KCNT1: variants seen among roughly 807,000 people sequenced by gnomAD.
KCNT1 encodes the protein potassium channel subfamily T member 1.
In KCNT1, 78 loss-of-function variants were observed where a neutral mutation model predicts 147.8. That is an observed-to-expected ratio of 0.53 (90% CI 0.44 to 0.64). The LOEUF is 0.64. Ranked by LOEUF, KCNT1 falls within the 30% of genes least tolerant of loss-of-function variation. KCNT1 has a pLI of 0.00. For missense variants in KCNT1, 1,419 were observed against 1,750.3 expected (o/e 0.81, Z 3.38); for synonymous variants, 867 against 748.8 (o/e 1.16, Z -2.58).
At position 135,716,368 on chromosome 9, in the gene KCNT1, C is replaced by T. The variant is rs79806284; in HGVS notation, c.254+1648C>T. Among the ~76,000 whole-genome samples, 712 of 152,222 alleles carry T rather than the reference C, an allele frequency of 4.7e-3. 10 individuals carry two copies. Among genetic ancestry groups the T allele is most frequent in the East Asian group, 0.042 (219 of 5,180 alleles). On this transcript the variant is annotated intron_variant, in intron 2 of 30. Coordinates refer to ENST00000371757, the MANE Select transcript of KCNT1 (RefSeq NM_020822.3). Reference sequence around the variant, plus strand: ...GTGGACAGCAGAGGCTTTTGCTGTCCGCCTAGAGAGAACCATGCCCATCCC... The same window carrying T: ...GTGGACAGCAGAGGCTTTTGCTGTCTGCCTAGAGAGAACCATGCCCATCCC...
intron 6 of KCNT1, among the ~76,000 whole-genome samples, chr9:135,756,278 C>G (rs1487090433): frequency 6.6e-6 from 1 of 152,146 alleles, no homozygotes; most frequent in Non-Finnish European, 1.5e-5. Context: ...GACTTCCTGA[C>G]CCCCTCTGTC....
chr9:135,738,458 A>G (rs752614423), intron 2 of KCNT1, among the ~76,000 whole-genome samples: 5 of 146,020 alleles, frequency 3.4e-5, no homozygotes, highest in Non-Finnish European at 7.6e-5. Context: ...CACGGAAAAC[A>G]CAGGCGAGGC....
chr9:135,737,067 C>T (rs1830373717), intron 2 of KCNT1: 1 of 208,568 alleles, frequency 4.8e-6, no homozygotes, highest in Non-Finnish European at 9.6e-6. Flanking sequence ...GTGCCAGGCA[C>T]TGGGGGCCCC....
chr9:135,781,338 G>A (rs1833595458), intron 24 of KCNT1, among the ~76,000 whole-genome samples: 2 of 152,170 alleles, frequency 1.3e-5, no homozygotes, highest in Non-Finnish European at 2.9e-5. Flanking sequence ...ACAGAGACGT[G>A]GAGCCGAGGG....
rs776233220 is a variant in KCNT1, at chr9:135,750,117, G to A, written c.274G>A (p.Val92Ile). 20 of 1,613,668 alleles carry A rather than the reference G, an allele frequency of 1.2e-5. No homozygotes were observed. The highest frequency in any genetic ancestry group is 2.2e-5 in the South Asian group (2 of 91,074). The change falls in exon 3 of 31, where the codon GTC (valine) becomes ATC (isoleucine). Residue 92 changes from valine (V) to isoleucine (I), a missense_variant. By Grantham distance (29) the Val-to-Ile change is conservative (BLOSUM62 3). Transcript: ENST00000371757. ...CTTCAGGGTCCAGGTGGAGTTCTAC[G>A]TCAACGAGAACACCTTCAAGGAGCG... ...NDDRVQVEFYVNENTFKERLK... is the reference protein window; with the variant it reads ...NDDRVQVEFYINENTFKERLK...
At chr9:135,766,301 ACCATCTGGGGTGGGCTGTCTGGGGTGGG>A (rs887296804) in intron 13 of KCNT1, among the ~76,000 whole-genome samples, 1 of 148,774 alleles carries the variant, frequency 6.7e-6, no homozygotes, top group Non-Finnish European at 1.5e-5. Flanking sequence ...TCCAGGGTGG[ACCATCTGGGGTGGGCTGTCTGGGGTGGG>A]CCATTCAGAG....
intron 11 of KCNT1, among the ~76,000 whole-genome samples, chr9:135,762,354 G>A (rs1831974139): frequency 6.6e-6 from 1 of 152,300 alleles, no homozygotes; most frequent in South Asian, 2.1e-4. Flanking sequence ...GCTGAGGCAG[G>A]AGAATCGCCT....
At chr9:135,774,885 G>A (rs1588374618) in intron 19 of KCNT1, among the ~76,000 whole-genome samples, 1 of 152,206 alleles carries the variant, frequency 6.6e-6, no homozygotes, top group East Asian at 1.9e-4. Context: ...CAGCAGTGAG[G>A]GCCCTACCCA....
chr9:135,731,989 TATAGAG>T (rs1161111170), intron 2 of KCNT1, among the ~76,000 whole-genome samples: 28 of 18,646 alleles, frequency 1.5e-3, no homozygotes, highest in African/African-American at 2.8e-3. Context: ...TATATATATA[TATAGAG>T]AGAGAGAGAG....
chr9:135,758,229 G>A (rs1008936668), intron 9 of KCNT1, among the ~76,000 whole-genome samples, 185 bp from the exon 10 acceptor site: 18 of 146,922 alleles, frequency 1.2e-4, no homozygotes, highest in African/African-American at 4.5e-4. Context: ...GTGGCCAGGT[G>A]CAGGCTGCCC....
chr9:135,719,244 C>G (rs976792932), intron 2 of KCNT1, among the ~76,000 whole-genome samples: 6 of 152,206 alleles, frequency 3.9e-5, no homozygotes, highest in African/African-American at 1.4e-4. Context: ...TTGGGCTCTT[C>G]TTCTGCAGAG....
intron 2 of KCNT1, among the ~76,000 whole-genome samples, chr9:135,737,171 G>T (rs1830377994): frequency 1.3e-5 from 2 of 152,238 alleles, no homozygotes; most frequent in African/African-American, 2.4e-5. Context: ...CACCCCAGAG[G>T]TGAGTGAGGC....
At chr9:135,745,093 C>T (rs1270131473) in intron 2 of KCNT1, among the ~76,000 whole-genome samples, 2 of 152,224 alleles carry the variant, frequency 1.3e-5, no homozygotes, top group African/African-American at 2.4e-5. Context: ...CTGGGAATGG[C>T]GATGTTCCCA....
rs1480093174 is a variant in KCNT1, at chr9:135,714,446, G to C, written c.111-131G>C. ...GTGCCGCCAGGCCCGCCCCCGCCCG[G>C]CCGCCCGCCCGCCCGGTGGGTCGCG... is the stretch of plus-strand genomic sequence containing the variant. On this transcript the variant is annotated intron_variant, in intron 1 of 30. Transcript: ENST00000371757. The surrounding 1 kb of genome is among the most constrained non-coding windows in gnomAD (Gnocchi z 6.2). 2 of 480,916 alleles carry C rather than the reference G, an allele frequency of 4.2e-6. No individual in the cohort carries two copies. Among genetic ancestry groups the C allele is most frequent in the African/African-American group, 4.3e-5 (2 of 46,262 alleles). The allele number at this position is 480,916 out of a possible 1,614,324, so 29.8% of individuals were successfully genotyped here.
intron 1 of KCNT1, among the ~76,000 whole-genome samples, chr9:135,705,360 G>C (rs1835209857): frequency 6.6e-6 from 1 of 152,252 alleles, no homozygotes; most frequent in Non-Finnish European, 1.5e-5. Flanking sequence ...GTGTGTCCCA[G>C]CCCTGCATGG....
intron 18 of KCNT1, 128 bp downstream of exon 18, chr9:135,771,223 A>G (rs1029275032): frequency 4.9e-6 from 4 of 820,298 alleles, no homozygotes; most frequent in Non-Finnish European, 7.6e-6. Flanking sequence ...CAGGTGGGAC[A>G]GGAGACCAGG....
At chr9:135,770,078 G>A (rs1321723155) in intron 16 of KCNT1, 23 bp downstream of exon 16, 18 of 1,534,862 alleles carry the variant, frequency 1.2e-5, no homozygotes, top group East Asian at 2.5e-5. Context: ...TGCCCCGGGG[G>A]ACCGACCTCC....
chr9:135,755,163 G>T lies in KCNT1; in HGVS notation c.534G>T (p.Ala178=), dbSNP rs144250793. ...LWVERKMTLW[A]IQVIVAIISF... ...TGGAGAGAAAGATGACACTGTGGGC[G>T]ATCCAGGTGAGTGCCCTACCCTGCC... The change falls in exon 6 of 31, where the codon GCG becomes GCT. Residue 178 remains alanine (A), a synonymous_variant. Coordinates refer to ENST00000371757, the MANE Select transcript of KCNT1 (RefSeq NM_020822.3). The T allele has an allele frequency of 6.2e-7, 1 of 1,610,978 alleles. No individual in the cohort carries two copies. Among genetic ancestry groups the T allele is most frequent in the Non-Finnish European group, 8.5e-7 (1 of 1,178,500 alleles).
intron 2 of KCNT1, among the ~76,000 whole-genome samples, chr9:135,731,989 TATAGAGAGAGAGAGAGAGAGAG>T (rs1836478593): frequency 5.4e-5 from 1 of 18,646 alleles, no homozygotes; most frequent in African/African-American, 2.0e-4. Context: ...TATATATATA[TATAGAGAGAGAGAGAGAGAGAG>T]AGAGAGAGAG....
Sources: gnomAD v4.1 joint callset for allele counts (sites outside exome capture counted in the v4.1 genomes callset) on GRCh38, gnomAD v4.1.1 for gene constraint, Gnocchi (gnomAD v3.1) non-coding constraint, MANE v1.5 for transcripts, NCBI Gene and HGNC (gene_info 2026-07-23, HGNC 2026-07-21) for gene names.